The following CDH11 variants were observed in gnomAD, a reference collection of about 807,000 sequenced individuals.
CDH11 encodes cadherin-11.
Under a neutral mutation model 67.8 loss-of-function variants are expected in CDH11, and 11 were observed. The ratio of observed to expected loss-of-function variants is 0.16; its 90% CI spans 0.10 to 0.27. CDH11 has a LOEUF of 0.27. Ranked by LOEUF, CDH11 falls within the 10% of genes least tolerant of loss-of-function variation. The pLI is 1.00. For missense variants in CDH11, 847 were observed against 1,031.2 expected (o/e 0.82, Z 2.45); for synonymous variants, 419 against 400.0 (o/e 1.05, Z -0.57).
intron 2 of CDH11, among the ~76,000 whole-genome samples, chr16:65,048,102 A>C (rs1381065920): frequency 1.3e-5 from 2 of 152,222 alleles, no homozygotes; most frequent in Non-Finnish European, 2.9e-5. Flanking sequence ...CCAAAGCCTA[A>C]CATAGGGATG....
chr16:65,115,991 A>AT (rs544524312), intron 1 of CDH11, among the ~76,000 whole-genome samples: 196 of 152,096 alleles, frequency 1.3e-3, no homozygotes, highest in African/African-American at 4.5e-3. Context: ...AAAAGACAAA[A>AT]TTTTCAATCA....
chr16:65,026,672 C>T (rs562019381), intron 2 of CDH11, among the ~76,000 whole-genome samples: 2 of 152,142 alleles, frequency 1.3e-5, no homozygotes, highest in African/African-American at 2.4e-5. Flanking sequence ...CCACCTCAAA[C>T]ACCAGGGGTT....
chr16:65,071,391 C>T (rs1299918507), intron 1 of CDH11, among the ~76,000 whole-genome samples: 3 of 152,184 alleles, frequency 2.0e-5, no homozygotes, highest in Admixed American at 1.3e-4. Context: ...CACCCCCATG[C>T]GCAAACTCCA....
intron 2 of CDH11, among the ~76,000 whole-genome samples, chr16:65,032,014 T>A (rs1416846600): frequency 1.3e-5 from 2 of 152,096 alleles, no homozygotes; most frequent in Non-Finnish European, 2.9e-5. Flanking sequence ...GCGATTGTTG[T>A]GGGAGAAGGA....
chr16:64,990,236 G>A (rs1047492582), intron 6 of CDH11, among the ~76,000 whole-genome samples: 1 of 152,108 alleles, frequency 6.6e-6, no homozygotes, highest in South Asian at 2.1e-4. Context: ...CCAGACAATC[G>A]TACAGTGTGG....
At chr16:64,982,633 A>G in intron 7 of CDH11, 1 of 200,762 alleles carries the variant, frequency 5.0e-6, no homozygotes, top group Non-Finnish European at 1.0e-5. Flanking sequence ...TTGCAAAAAT[A>G]CATTTGGTAC....
intron 2 of CDH11, among the ~76,000 whole-genome samples, chr16:65,022,778 G>A (rs2073452888): frequency 6.6e-6 from 1 of 152,146 alleles, no homozygotes; most frequent in Non-Finnish European, 1.5e-5. Context: ...GAAAAAAACA[G>A]AGTACCCAAG....
chr16:65,058,816 G>T (rs1161675470), intron 1 of CDH11, among the ~76,000 whole-genome samples: 2 of 151,838 alleles, frequency 1.3e-5, no homozygotes, highest in Non-Finnish European at 2.9e-5. Context: ...TATAAAATGG[G>T]GATAATAACA....
At chr16:65,113,290 A>G (rs1241655142) in intron 1 of CDH11, among the ~76,000 whole-genome samples, 1 of 150,774 alleles carries the variant, frequency 6.6e-6, no homozygotes, top group Non-Finnish European at 1.5e-5. Context: ...CATCTCAGAA[A>G]AAAAAAAAAA....
chr16:64,993,469 T>C (rs1310364892), intron 4 of CDH11, among the ~76,000 whole-genome samples: 1 of 152,210 alleles, frequency 6.6e-6, no homozygotes, highest in Non-Finnish European at 1.5e-5. Flanking sequence ...CTTCCATCTG[T>C]AGCAGAACAA....
intron 1 of CDH11, among the ~76,000 whole-genome samples, chr16:65,094,395 T>C (rs569312590): frequency 6.6e-6 from 1 of 151,892 alleles, no homozygotes; most frequent in African/African-American, 2.4e-5. Flanking sequence ...AATCAATACC[T>C]TAAACAATAA....
At chr16:65,066,878 C>A (rs1283130881) in intron 1 of CDH11, among the ~76,000 whole-genome samples, 5 of 152,176 alleles carry the variant, frequency 3.3e-5, no homozygotes, top group African/African-American at 9.7e-5. Context: ...AACACAGAGA[C>A]CTGGACTTAA....
chr16:65,090,340 A>G (rs1415152429), intron 1 of CDH11, among the ~76,000 whole-genome samples: 2 of 152,134 alleles, frequency 1.3e-5, no homozygotes. Flanking sequence ...TGTGTCTCTC[A>G]GTTGATTATG....
At chr16:65,114,119 G>C (rs2075204038) in intron 1 of CDH11, among the ~76,000 whole-genome samples, 1 of 152,146 alleles carries the variant, frequency 6.6e-6, no homozygotes, top group Admixed American at 6.5e-5. Flanking sequence ...TAGAGTTAAT[G>C]AATCACCTGT....
intron 6 of CDH11, among the ~76,000 whole-genome samples, chr16:64,989,269 G>A (rs1358246261): frequency 2.0e-5 from 3 of 151,886 alleles, no homozygotes; most frequent in South Asian, 2.1e-4. Context: ...GTGATTGTGT[G>A]GGCATGAATC....
At chr16:65,098,452 T>C (rs1172286707) in intron 1 of CDH11, among the ~76,000 whole-genome samples, 1 of 152,264 alleles carries the variant, frequency 6.6e-6, no homozygotes, top group East Asian at 1.9e-4. Flanking sequence ...GTTGGGAATT[T>C]ATCAAATTAC....
chr16:65,029,229 G>A (rs910530156), intron 2 of CDH11, among the ~76,000 whole-genome samples: 2 of 151,926 alleles, frequency 1.3e-5, no homozygotes, highest in Non-Finnish European at 2.9e-5. Flanking sequence ...GCAGAATATT[G>A]GCTTTTTGAC....
chr16:65,121,941 T>G lies in CDH11; in HGVS notation c.-359A>C. On this transcript the variant is annotated 5_prime_UTR_variant, in exon 1 of 13. Transcript: ENST00000268603. This position sits in a 1 kb window ranked among gnomAD's most constrained non-coding sequence, Gnocchi z 4.1. ...CCAGTCCCTGGCGCAGGGCAAGCGCTGCGGTGTCAGTCCCGGCCCCAGTCC... is the reference window on the plus strand; with the variant it reads ...CCAGTCCCTGGCGCAGGGCAAGCGCGGCGGTGTCAGTCCCGGCCCCAGTCC... The G allele has an allele frequency of 1.4e-6, 1 of 701,822 alleles. No individual in the cohort carries two copies. The highest frequency in any genetic ancestry group is 2.6e-6 in the Non-Finnish European group (1 of 384,586). The allele number at this position is 701,822 out of a possible 1,614,324, so 43.5% of individuals were successfully genotyped here.
chr16:65,071,328 G>A (rs762278157), intron 1 of CDH11, among the ~76,000 whole-genome samples: 37 of 150,758 alleles, frequency 2.5e-4, no homozygotes, highest in Non-Finnish European at 1.2e-4. Context: ...CAACACACAC[G>A]CACACACACA....
Sources: gnomAD v4.1 joint callset for allele counts (sites outside exome capture counted in the v4.1 genomes callset) on GRCh38, gnomAD v4.1.1 for gene constraint, Gnocchi (gnomAD v3.1) non-coding constraint, MANE v1.5 for transcripts, NCBI Gene and HGNC (gene_info 2026-07-23, HGNC 2026-07-21) for gene names.